Variants in SPOCK3 observed in about 807,000 individuals in gnomAD.
The protein encoded by SPOCK3 is testican-3.
A neutral mutation model predicts 56.6 loss-of-function variants in SPOCK3; 30 were observed. That is an observed-to-expected ratio of 0.53 (90% CI 0.40 to 0.72). The LOEUF (loss-of-function observed/expected upper bound fraction) is 0.72. SPOCK3 is among the 30% of genes least tolerant of loss of function. The pLI, the probability that SPOCK3 is intolerant of heterozygous loss-of-function variation, is 0.00. For missense variants in SPOCK3, 527 were observed against 530.0 expected, an observed-to-expected ratio of 0.99 and a Z score of 0.06; for synonymous variants, 196 against 183.3, an observed-to-expected ratio of 1.07 and a Z score of -0.56.
chr4:167,117,381 A>T (rs1761514836), intron 2 of SPOCK3, among the ~76,000 whole-genome samples: 1 of 151,980 alleles, frequency 6.6e-6, no homozygotes, highest in East Asian at 1.9e-4. Flanking sequence ...TTGACTGAGC[A>T]CCTAGGGGCC....
At chr4:167,164,201 T>A (rs969511372) in intron 2 of SPOCK3, among the ~76,000 whole-genome samples, 2 of 152,132 alleles carry the variant, frequency 1.3e-5, no homozygotes, top group South Asian at 4.1e-4. Context: ...CTAACTCCAA[T>A]TTATTCATTT....
intron 6 of SPOCK3, among the ~76,000 whole-genome samples, chr4:166,860,201 T>G (rs1731089533): frequency 6.6e-6 from 1 of 152,114 alleles, no homozygotes; most frequent in Non-Finnish European, 1.5e-5. Flanking sequence ...TAGGGAAGAT[T>G]ATGCATGGAA....
chr4:166,868,225 C>T (rs1732062843), intron 6 of SPOCK3, among the ~76,000 whole-genome samples: 1 of 150,662 alleles, frequency 6.6e-6, no homozygotes, highest in East Asian at 1.9e-4. Flanking sequence ...ATGGGAGGAT[C>T]ACATGAGACC....
chr4:167,180,366 A>C (rs1172818989), intron 2 of SPOCK3, among the ~76,000 whole-genome samples: 2 of 152,274 alleles, frequency 1.3e-5, no homozygotes, highest in African/African-American at 4.8e-5. Context: ...GAATGCCCCC[A>C]AAAGCAGCGG....
intron 5 of SPOCK3, among the ~76,000 whole-genome samples, chr4:166,903,087 ATATT>A (rs1264262920): frequency 7.5e-5 from 11 of 147,450 alleles, no homozygotes; most frequent in East Asian, 1.9e-4. Flanking sequence ...CCCTTTATTT[ATATT>A]TATTTAATTT....
intron 2 of SPOCK3, among the ~76,000 whole-genome samples, chr4:167,066,977 T>C (rs1580186051): frequency 6.6e-6 from 1 of 151,948 alleles, no homozygotes; most frequent in Non-Finnish European, 1.5e-5. Flanking sequence ...CACAGCTACA[T>C]CTGTACTGAT....
intron 4 of SPOCK3, among the ~76,000 whole-genome samples, chr4:166,997,117 A>G (rs937198078): frequency 2.6e-5 from 4 of 152,034 alleles, no homozygotes; most frequent in Admixed American, 2.0e-4. Flanking sequence ...CGATGAGAAC[A>G]CATTGACACA....
chr4:166,911,805 G>C (rs1737308504), intron 5 of SPOCK3, among the ~76,000 whole-genome samples: 1 of 152,042 alleles, frequency 6.6e-6, no homozygotes, highest in Admixed American at 6.6e-5. Context: ...ACAAGTGCTG[G>C]GGTTACAGGC....
chr4:166,881,642 C>T (rs1325127900), intron 6 of SPOCK3, among the ~76,000 whole-genome samples: 1 of 152,000 alleles, frequency 6.6e-6, no homozygotes, highest in Non-Finnish European at 1.5e-5. Flanking sequence ...GTAAATACTG[C>T]CTTAACTTTG....
intron 2 of SPOCK3, among the ~76,000 whole-genome samples, chr4:167,223,941 T>G (rs557139100): frequency 6.6e-6 from 1 of 152,236 alleles, no homozygotes; most frequent in African/African-American, 2.4e-5. Flanking sequence ...TTTGATATTT[T>G]GGGTGAGTGC....
chr4:167,097,656 C>T (rs1453361826), intron 2 of SPOCK3, among the ~76,000 whole-genome samples: 1 of 151,582 alleles, frequency 6.6e-6, no homozygotes, highest in Non-Finnish European at 1.5e-5. Context: ...GTTCCTGTTA[C>T]CTAGGTAGTG....
At chr4:167,222,418 C>A (rs1380977680) in intron 2 of SPOCK3, among the ~76,000 whole-genome samples, 1 of 149,932 alleles carries the variant, frequency 6.7e-6, no homozygotes, top group Non-Finnish European at 1.5e-5. Context: ...TTAAAAATGG[C>A]TAATATAGTA....
chr4:166,839,330 T>C (rs1250920269), intron 6 of SPOCK3, among the ~76,000 whole-genome samples: 1 of 152,112 alleles, frequency 6.6e-6, no homozygotes, highest in Non-Finnish European at 1.5e-5. Context: ...TCATATGGAA[T>C]GTCTCATTGT....
At chr4:166,991,337 G>GTT (rs1426072007) in intron 4 of SPOCK3, among the ~76,000 whole-genome samples, 119 of 116,366 alleles carry the variant, frequency 1.0e-3, no homozygotes, top group African/African-American at 3.0e-3. Context: ...GTGACTTTTT[G>GTT]TTTTTATATT....
chr4:166,900,516 T>G (rs1735924268), intron 5 of SPOCK3, among the ~76,000 whole-genome samples: 1 of 152,186 alleles, frequency 6.6e-6, no homozygotes. Context: ...AAGGAGGCTA[T>G]ATATACCTAT....
At chr4:166,790,057 A>G (rs1340942890) in intron 7 of SPOCK3, among the ~76,000 whole-genome samples, 4 of 152,178 alleles carry the variant, frequency 2.6e-5, no homozygotes, top group East Asian at 1.9e-4. Flanking sequence ...AAACTATGGT[A>G]TGGGTACACA....
At chr4:167,184,480 C>T (rs1339120131) in intron 2 of SPOCK3, among the ~76,000 whole-genome samples, 3 of 152,108 alleles carry the variant, frequency 2.0e-5, no homozygotes, top group Non-Finnish European at 4.4e-5. Context: ...CACACTGAGC[C>T]AGGTACCACT....
intron 4 of SPOCK3, among the ~76,000 whole-genome samples, chr4:166,979,528 AT>A (rs1004569724): frequency 2.6e-5 from 4 of 151,934 alleles, no homozygotes; most frequent in African/African-American, 9.7e-5. Flanking sequence ...TTCAATGGTT[AT>A]TTTTTTCTGT....
At chr4:166,948,034 C>T (rs1308991976) in intron 4 of SPOCK3, among the ~76,000 whole-genome samples, 3 of 152,116 alleles carry the variant, frequency 2.0e-5, no homozygotes, top group Admixed American at 2.0e-4. Context: ...TTACCACTTT[C>T]CCCAGCCTTT....
Sources: allele counts gnomAD v4.1 joint callset (sites outside exome capture counted in the v4.1 genomes callset), GRCh38; gene constraint gnomAD v4.1.1; transcripts MANE v1.5; gene names NCBI Gene and HGNC (gene_info 2026-07-23, HGNC 2026-07-21).